Variants in EPB41L2 observed in about 807,000 individuals in gnomAD.
The protein encoded by EPB41L2 is erythrocyte membrane protein band 4.1 like 2, also known as band 4.1-like protein 2.
In EPB41L2, 43 loss-of-function variants were observed where a neutral mutation model predicts 113.0. The observed-to-expected ratio is 0.38, with a 90% CI of 0.30 to 0.49. The LOEUF is 0.49. EPB41L2 is among the 20% of genes least tolerant of loss of function. EPB41L2 has a pLI of 0.95. For synonymous variants in EPB41L2, 442 were observed against 436.7 expected (o/e 1.01, Z -0.15); for missense variants, 1,147 against 1,223.4 (o/e 0.94, Z 0.93).
At chr6:130,967,300 GA>G (rs10707152) in intron 1 of EPB41L2, among the ~76,000 whole-genome samples, 75,533 of 151,316 alleles carry the variant, frequency 0.5, 21,412 homozygotes, top group East Asian at 0.94. Flanking sequence ...TAGATTTACT[GA>G]AAAAAAAACT....
intron 1 of EPB41L2, among the ~76,000 whole-genome samples, chr6:131,045,318 C>A (rs77697218): frequency 1.5e-4 from 21 of 143,220 alleles, no homozygotes; most frequent in Middle Eastern, 3.4e-3. Flanking sequence ...CAAAATATTT[C>A]ATATTTAAAT....
intron 1 of EPB41L2, among the ~76,000 whole-genome samples, chr6:130,979,019 G>C (rs745366936): frequency 9.9e-5 from 15 of 152,206 alleles, no homozygotes; most frequent in Non-Finnish European, 1.6e-4. Context: ...CTGGAACACA[G>C]GGGTGGGGAG....
Position 130,928,202 on chromosome 6 carries a change from AAG to A in EPB41L2, c.706-1495_706-1494del, listed in dbSNP as rs761317471. ...GTCAATTAAATTACTGAGCATGTTT[AAG>A]ATAGATATGTGCTTGTTTGTCTACA... On this transcript the variant is annotated intron_variant, in intron 3 of 19. Transcript: ENST00000337057. Among the ~76,000 whole-genome samples the A allele has an allele frequency of 8.5e-3, 1,297 of 152,362 alleles. 9 individuals carry two copies. The highest frequency in any genetic ancestry group is 0.021 in the South Asian group (100 of 4,824).
intron 3 of EPB41L2, among the ~76,000 whole-genome samples, chr6:130,952,692 C>G (rs1027590173): frequency 4.6e-5 from 7 of 151,994 alleles, no homozygotes; most frequent in Admixed American, 4.6e-4. Flanking sequence ...TGCCTGTAAT[C>G]CCAGCTACAC....
At chr6:130,949,657 C>G (rs1162253212) in intron 3 of EPB41L2, among the ~76,000 whole-genome samples, 1 of 151,476 alleles carries the variant, frequency 6.6e-6, no homozygotes, top group Admixed American at 6.6e-5. Flanking sequence ...TGGGATAGGA[C>G]GAGAAAATTA....
At position 130,869,662 on chromosome 6, in the gene EPB41L2, T is replaced by A; in HGVS notation, c.2508A>T (p.Gln836His). ...CTTCCTCTGCTTCTTCTCCCATGTC[T>A]TGCTTAAGAGCGCCTTCGTGTACAC... ...EKSVHEGALK[Q>H]DMGEEAEEEP... The change falls in exon 15 of 20, where the codon CAA becomes CAT. Residue 836 changes from glutamine to histidine, a missense_variant. Transcript: ENST00000337057. 7 of 1,614,210 alleles carry A rather than the reference T, an allele frequency of 4.3e-6. No homozygotes were observed. Among genetic ancestry groups the A allele is most frequent in the Non-Finnish European group, 5.1e-6 (6 of 1,180,032 alleles).
intron 1 of EPB41L2, among the ~76,000 whole-genome samples, chr6:131,002,339 A>T (rs1391264061): frequency 6.6e-6 from 1 of 152,192 alleles, no homozygotes; most frequent in East Asian, 1.9e-4. Flanking sequence ...AGTCGAGGGA[A>T]AGTGGAGGGG....
At chr6:130,906,548 A>T (rs13219477) in intron 5 of EPB41L2, among the ~76,000 whole-genome samples, 3,161 of 152,292 alleles carry the variant, frequency 0.021, 51 homozygotes, top group South Asian at 0.06. Flanking sequence ...CTGTTTATAA[A>T]CAGTCCTTCT....
At chr6:131,044,891 A>G (rs550167612) in intron 1 of EPB41L2, among the ~76,000 whole-genome samples, 1 of 152,344 alleles carries the variant, frequency 6.6e-6, no homozygotes, top group South Asian at 2.1e-4. Flanking sequence ...TAAGTAGAAA[A>G]GAAAATCTCA....
At chr6:130,989,987 C>T (rs75152038) in intron 1 of EPB41L2, among the ~76,000 whole-genome samples, 2,238 of 152,234 alleles carry the variant, frequency 0.015, 54 homozygotes, top group African/African-American at 0.05. Flanking sequence ...TCAATTTAGA[C>T]TGGGTAACAA....
intron 14 of EPB41L2, among the ~76,000 whole-genome samples, chr6:130,874,496 G>A (rs991139687): frequency 1.3e-5 from 2 of 151,990 alleles, no homozygotes; most frequent in African/African-American, 2.4e-5. Context: ...AAACACTCCC[G>A]TAGACAAATG....
Position 131,052,601 on chromosome 6 carries a change from A to G in EPB41L2, c.-15+10554T>C, listed in dbSNP as rs552774918. Among the ~76,000 whole-genome samples, 37 of 152,354 alleles carry G rather than the reference A, an allele frequency of 2.4e-4. No individual in the cohort carries two copies. The South Asian group carries it at 7.3e-3, about 30-fold the overall frequency. ...GATCAGGATAACTTCAGGATAAAACATAAAGTTGTAAAAGAAAGTACATGT... is the reference window on the plus strand; with the variant it reads ...GATCAGGATAACTTCAGGATAAAACGTAAAGTTGTAAAAGAAAGTACATGT... On this transcript the variant is annotated intron_variant, in intron 1 of 19. Transcript: ENST00000337057.
intron 19 of EPB41L2, among the ~76,000 whole-genome samples, chr6:130,849,051 G>A (rs960926882): frequency 2.0e-5 from 3 of 152,118 alleles, no homozygotes; most frequent in Non-Finnish European, 4.4e-5. Flanking sequence ...ACCCCAACAC[G>A]GTCAGAGGCC....
chr6:131,057,136 C>G (rs1252506985), intron 1 of EPB41L2, among the ~76,000 whole-genome samples: 1 of 152,078 alleles, frequency 6.6e-6, no homozygotes, highest in African/African-American at 2.4e-5. Flanking sequence ...AGAACTGAAA[C>G]ATCAGTTCTC....
chr6:130,879,286 G>T (rs1057366851), intron 13 of EPB41L2, among the ~76,000 whole-genome samples: 4 of 152,096 alleles, frequency 2.6e-5, no homozygotes, highest in Non-Finnish European at 5.9e-5. Context: ...TCTTTGCATG[G>T]CATGGAAAAA....
At chr6:130,964,550 T>G (rs1360726104) in intron 1 of EPB41L2, among the ~76,000 whole-genome samples, 1 of 150,616 alleles carries the variant, frequency 6.6e-6, no homozygotes, top group Non-Finnish European at 1.5e-5. Flanking sequence ...TTAGATTAGA[T>G]GCTATAATAC....
intron 4 of EPB41L2, among the ~76,000 whole-genome samples, chr6:130,916,298 T>C (rs553390114): frequency 6.6e-6 from 1 of 152,326 alleles, no homozygotes; most frequent in Non-Finnish European, 1.5e-5. Flanking sequence ...ATCTTACTCT[T>C]TATTTGCCAC....
At chr6:130,872,376 G>T (rs1480211119) in intron 14 of EPB41L2, 7 of 1,287,310 alleles carry the variant, frequency 5.4e-6, no homozygotes, top group Middle Eastern at 4.3e-4. Context: ...TGCACCTCAA[G>T]CAAGTGTGAG....
chr6:131,010,368 T>C (rs1786633550), intron 1 of EPB41L2, among the ~76,000 whole-genome samples: 1 of 152,180 alleles, frequency 6.6e-6, no homozygotes. Context: ...GCCATTTCTA[T>C]TGCTTTGCAA....
Sources: allele counts gnomAD v4.1 joint callset (sites outside exome capture counted in the v4.1 genomes callset), GRCh38; gene constraint gnomAD v4.1.1; transcripts MANE v1.5; gene names NCBI Gene and HGNC (gene_info 2026-07-23, HGNC 2026-07-21).